The following USP33 variants were observed in gnomAD, a reference collection of about 807,000 sequenced individuals.
USP33 encodes ubiquitin carboxyl-terminal hydrolase 33.
USP33 carries 46 observed loss-of-function variants against 124.2 expected under a neutral mutation model. The observed-to-expected ratio is 0.37, with a 90% CI of 0.29 to 0.47. The LOEUF is 0.47. Among genes scored for constraint, USP33 ranks in the 20% least tolerant of loss-of-function variants. USP33 has a pLI of 0.99. For synonymous variants in USP33, 350 were observed against 352.3 expected, an observed-to-expected ratio of 0.99 and a Z score of 0.07; for missense variants, 851 against 1,070.6, an observed-to-expected ratio of 0.79 and a Z score of 2.86.
chr1:77,740,998 T>C (rs895935068), intron 3 of USP33, 59 bp from the exon 4 acceptor site: 1 of 1,117,708 alleles, frequency 8.9e-7, no homozygotes, highest in Admixed American at 2.7e-5. Flanking sequence ...TGTAAATTTA[T>C]AACAGCATTA....
rs1468198258 is a variant in USP33, at chr1:77,725,703, C to A, written c.1195G>T (p.Glu399Ter). The change falls in exon 11 of 24, where the codon GAA becomes TAA. Residue 399 changes from glutamate to a stop codon, truncating the protein, a stop_gained. Coordinates refer to ENST00000370794, the MANE Select transcript of USP33 (RefSeq NM_201624.3). LOFTEE classifies it high-confidence loss of function. ...LSTPQILPSN[E>*]GVNPRLSASP... ...GCCGATAAACGTGGATTAACACCTT[C>A]ATTTGATGGAAGGATCTGTGGTGTA... 4 of 1,614,058 alleles carry A rather than the reference C, an allele frequency of 2.5e-6. No homozygotes were observed. Among genetic ancestry groups the A allele is most frequent in the Non-Finnish European group, 3.4e-6 (4 of 1,179,994 alleles).
At chr1:77,740,775 C>T (rs1039569365) in intron 4 of USP33, 102 bp downstream of exon 4, 2 of 825,018 alleles carry the variant, frequency 2.4e-6, no homozygotes, top group African/African-American at 3.5e-5. Context: ...ACTTAGAGTG[C>T]AAATTTGAAT....
chr1:77,709,465 T>C (rs1674991626), intron 21 of USP33, among the ~76,000 whole-genome samples: 1 of 152,052 alleles, frequency 6.6e-6, no homozygotes, highest in African/African-American at 2.4e-5. Flanking sequence ...CAGTGAACTA[T>C]GACCAGCCAC....
intron 20 of USP33, among the ~76,000 whole-genome samples, chr1:77,712,115 G>A (rs756443620): frequency 1.3e-5 from 2 of 152,272 alleles, no homozygotes; most frequent in Non-Finnish European, 2.9e-5. Flanking sequence ...CAAACTAAAA[G>A]AAGTGGTTTC....
chr1:77,704,346 A>C (rs1674378593), intron 21 of USP33, among the ~76,000 whole-genome samples: 6 of 152,216 alleles, frequency 3.9e-5, no homozygotes, highest in Admixed American at 3.9e-4. Flanking sequence ...GAGAGTTCTA[A>C]AATGTCATAT....
At chr1:77,758,175 CTTTTTT>C (rs1185358841) in intron 1 of USP33, among the ~76,000 whole-genome samples, 3 of 94,302 alleles carry the variant, frequency 3.2e-5, no homozygotes, top group African/African-American at 8.9e-5. Context: ...TTGTACTGTC[CTTTTTT>C]TTTTTTTTTT....
At chr1:77,754,742 T>C (rs2101620055) in intron 1 of USP33, among the ~76,000 whole-genome samples, 1 of 152,374 alleles carries the variant, frequency 6.6e-6, no homozygotes, top group South Asian at 2.1e-4. Context: ...GTCTAATTAA[T>C]GAGAGCCTTA....
At chr1:77,751,614 T>C (rs542260831) in intron 1 of USP33, among the ~76,000 whole-genome samples, 6 of 152,184 alleles carry the variant, frequency 3.9e-5, no homozygotes, top group Non-Finnish European at 4.4e-5. Flanking sequence ...TGAGCTGTGA[T>C]TGCACCACTG....
intron 7 of USP33, among the ~76,000 whole-genome samples, chr1:77,733,038 C>T (rs1363280607): frequency 1.3e-5 from 2 of 151,808 alleles, no homozygotes; most frequent in African/African-American, 4.8e-5. Flanking sequence ...CATGATCCAC[C>T]CGCCTCAGCC....
chr1:77,716,228 T>G (rs1367569558), intron 17 of USP33, among the ~76,000 whole-genome samples: 1 of 151,996 alleles, frequency 6.6e-6, no homozygotes, highest in Non-Finnish European at 1.5e-5. Flanking sequence ...CCAGCTAATT[T>G]ATTTTTGTTT....
In USP33 at chr1:77,697,604, T is replaced by A; in HGVS notation, c.2579-130A>T. ...ACTTCTGGAACATGAATCTGCAGAC[T>A]ACCAGCCCATATTGTTATAAGCTGA... On this transcript the variant is annotated intron_variant, in intron 23 of 23. Coordinates refer to ENST00000370794, the MANE Select transcript of USP33 (RefSeq NM_201624.3). 9.9e-6 allele frequency: 11 copies of A among 1,114,034 alleles called. No individual in the cohort carries two copies. In the South Asian group the frequency reaches 1.7e-4, roughly 17 times the overall value. 69.0% of individuals were successfully genotyped at this position (1,114,034 alleles called of 1,614,324 possible). A position where few individuals can be genotyped will look rare whatever the true frequency, so the allele number is the denominator to read the frequency against.
In USP33 at chr1:77,715,722, T is replaced by A. The variant is rs1016715084; in HGVS notation, c.2045+20A>T. 2 of 1,611,164 alleles carry A rather than the reference T, an allele frequency of 1.2e-6. No individual in the cohort carries two copies. Among genetic ancestry groups the A allele is most frequent in the Non-Finnish European group, 1.7e-6 (2 of 1,178,924 alleles). Reference sequence around the variant, plus strand: ...AAAATGTGAGAGATGTCCTTTCGCATCTACACTTATTTCCATTACCTATAG... The same window carrying A: ...AAAATGTGAGAGATGTCCTTTCGCAACTACACTTATTTCCATTACCTATAG... On this transcript the variant is annotated intron_variant, in intron 18 of 23. Coordinates refer to ENST00000370794, the MANE Select transcript of USP33 (RefSeq NM_201624.3).
chr1:77,711,657 T>G (rs1417372772), intron 21 of USP33, 90 bp downstream of exon 21: 5 of 1,532,614 alleles, frequency 3.3e-6, no homozygotes, highest in East Asian at 4.5e-5. Flanking sequence ...AACTCTTTCA[T>G]CTAATCATTT....
At chr1:77,717,670 G>A in intron 17 of USP33, 197 bp downstream of exon 17, 1 of 346,382 alleles carries the variant, frequency 2.9e-6, no homozygotes, top group Non-Finnish European at 5.1e-6. Context: ...AGATTAATTA[G>A]GATGTTTATT....
At position 77,725,781 on chromosome 1, in the gene USP33, G is replaced by A; in HGVS notation, c.1136-19C>T. On this transcript the variant is annotated intron_variant, in intron 10 of 23. Transcript: ENST00000370794. ...ATATATTCTGTAAGATTTAAAATTT[G>A]CATTATTACCTTAAATAGTAAAATT... 6.3e-7 allele frequency: 1 copy of A among 1,594,420 alleles called. No individual in the cohort carries two copies. The highest frequency in any genetic ancestry group is 2.2e-5 in the East Asian group (1 of 44,492).
chr1:77,743,743 A>G (rs1351062090), intron 1 of USP33, among the ~76,000 whole-genome samples: 4 of 152,240 alleles, frequency 2.6e-5, no homozygotes, highest in African/African-American at 9.6e-5. Flanking sequence ...GAAAGACACC[A>G]TAATAGAGGA....
Position 77,718,249 on chromosome 1 carries a change from G to C in USP33, c.1738-202C>G, listed in dbSNP as rs189735319. Among the ~76,000 whole-genome samples, 111 of 152,212 alleles carry C rather than the reference G, an allele frequency of 7.3e-4. 2 individuals are homozygous for C. In the Middle Eastern group the frequency reaches 0.027, roughly 37 times the overall value. On this transcript the variant is annotated intron_variant, in intron 16 of 23. Transcript: ENST00000370794. ...TATTCAATATATACTGAAGTGTCAA[G>C]GTTAAGTATTGATCTGCAATTATAA...
chr1:77,706,788 T>C (rs1295081323), intron 21 of USP33, among the ~76,000 whole-genome samples: 6 of 152,176 alleles, frequency 3.9e-5, no homozygotes, highest in Non-Finnish European at 7.4e-5. Flanking sequence ...TGGTGGTTTT[T>C]CCCATAACTG....
At position 77,722,047 on chromosome 1, in the gene USP33, A is replaced by T; in HGVS notation, c.1539T>A (p.Ala513=). The T allele has an allele frequency of 6.2e-7, 1 of 1,612,868 alleles. No individual in the cohort carries two copies. Among genetic ancestry groups the T allele is most frequent in the Non-Finnish European group, 8.5e-7 (1 of 1,179,602 alleles). Reference sequence around the variant, plus strand: ...ACCTCTTCACATATTCCATGAAAAAAGCTATCCACCCTTGTGGAGCATATG... The same window carrying T: ...ACCTCTTCACATATTCCATGAAAAATGCTATCCACCCTTGTGGAGCATATG... ...GEAYAPQGWI[A]FFMEYVKRFV... The change falls in exon 13 of 24, where the codon GCT becomes GCA. Residue 513 remains alanine (A), a synonymous_variant. Transcript: ENST00000370794.
Sources: gnomAD v4.1 joint callset for allele counts (sites outside exome capture counted in the v4.1 genomes callset) on GRCh38, gnomAD v4.1.1 for gene constraint, MANE v1.5 for transcripts, NCBI Gene and HGNC (gene_info 2026-07-23, HGNC 2026-07-21) for gene names.